The following B4GALNT2 variants were observed in gnomAD, a reference collection of about 807,000 sequenced individuals.
B4GALNT2 encodes N-acetylneuraminylgalactosylglucosyl-glucoside beta-1,4-N- acetylgalactosaminyltransferase 2.
A neutral mutation model predicts 51.1 loss-of-function variants in B4GALNT2; 42 were observed. That is an observed-to-expected ratio of 0.82 (90% confidence interval 0.64 to 1.06). The LOEUF (loss-of-function observed/expected upper bound fraction) is 1.06. Ranked by LOEUF, B4GALNT2 falls within the 50% of genes least tolerant of loss-of-function variation. B4GALNT2 has a pLI of 0.00. For missense variants in B4GALNT2, 602 were observed against 633.6 expected (o/e 0.95, Z 0.54); for synonymous variants, 253 against 251.7 (o/e 1.01, Z -0.05).
At chr17:49,120,374 TGGC>T in the B4GALNT2 span, among the ~76,000 whole-genome samples, 1 of 152,062 alleles carries the variant, frequency 6.6e-6, no homozygotes, top group South Asian at 2.1e-4. Context: ...CCTAGTCTGG[TGGC>T]TAGGAAAGGT....
chr17:49,130,693 T>G (rs1304712932), upstream of B4GALNT2, among the ~76,000 whole-genome samples: 2 of 152,192 alleles, frequency 1.3e-5, no homozygotes, highest in East Asian at 3.8e-4. Flanking sequence ...ACTTATTCAT[T>G]GTAAGTTTTC....
intron 4 of B4GALNT2, among the ~76,000 whole-genome samples, chr17:49,153,507 A>ATTT (rs569207630): frequency 2.2e-3 from 328 of 146,004 alleles, no homozygotes; most frequent in African/African-American, 7.2e-3. Flanking sequence ...GCTTGATGTG[A>ATTT]TTTTTTTTTT....
At chr17:49,136,445 T>C (rs1263771359) in intron 1 of B4GALNT2, among the ~76,000 whole-genome samples, 2 of 151,936 alleles carry the variant, frequency 1.3e-5, no homozygotes, top group Non-Finnish European at 2.9e-5. Context: ...TTTTATATTT[T>C]ATGTATATTC....
upstream of B4GALNT2, among the ~76,000 whole-genome samples, chr17:49,128,020 G>A (rs1018727610): frequency 6.6e-6 from 1 of 152,188 alleles, no homozygotes; most frequent in Non-Finnish European, 1.5e-5. Flanking sequence ...CTCATAGCTT[G>A]GATATCCATT....
chr17:49,133,138 T>G, intron 1 of B4GALNT2: 1 of 1,527,662 alleles, frequency 6.5e-7, no homozygotes, highest in Admixed American at 2.5e-5. Flanking sequence ...AGTGCGGGCT[T>G]CGGGGCTCTC....
intron 8 of B4GALNT2, 59 bp from the exon 9 acceptor site, chr17:49,166,055 C>A: frequency 6.4e-7 from 1 of 1,558,898 alleles, no homozygotes; most frequent in South Asian, 1.2e-5. Context: ...AGAAAGCTCC[C>A]CAGGTGATTC....
chr17:49,121,908 A>C, the B4GALNT2 span, among the ~76,000 whole-genome samples: 1 of 152,232 alleles, frequency 6.6e-6, no homozygotes, highest in Admixed American at 6.5e-5. Flanking sequence ...AAATGGCTCA[A>C]CAGTTAAAGT....
At chr17:49,159,334 G>GTTTTGT (rs1555612146) in intron 6 of B4GALNT2, 117 bp downstream of exon 6, 3 of 979,242 alleles carry the variant, frequency 3.1e-6, no homozygotes, top group Non-Finnish European at 4.5e-6. Flanking sequence ...GTGTGTGTTT[G>GTTTTGT]TTTGTTTTGT....
Position 49,172,335 on chromosome 17 carries a change from G to T in B4GALNT2, c.*2607G>T, listed in dbSNP as rs1030598895. ...TGGCACCCAAATTGGCTATTGATTC[G>T]GTCCTGGAGAAACACAAGCATAACC... is the stretch of plus-strand genomic sequence containing the variant. On this transcript the variant is annotated 3_prime_UTR_variant, in exon 11 of 11. Coordinates refer to ENST00000393354, the MANE Select transcript of B4GALNT2 (RefSeq NM_001159387.2). 3 of 163,314 alleles carry T rather than the reference G, an allele frequency of 1.8e-5. No individual in the cohort carries two copies. Among genetic ancestry groups the T allele is most frequent in the South Asian group, 1.8e-4 (1 of 5,680 alleles). The allele number at this position is 163,314 out of a possible 1,614,324, so 10.1% of individuals were successfully genotyped here. A position where few individuals can be genotyped will look rare whatever the true frequency, so the allele number is the denominator to read the frequency against.
Position 49,150,905 on chromosome 17 carries a change from C to G in B4GALNT2, c.354-1895C>G, listed in dbSNP as rs548872208. Among the ~76,000 whole-genome samples the G allele has an allele frequency of 4.6e-5, 7 of 151,552 alleles. No homozygotes were observed. The South Asian group carries it at 1.5e-3, about 32-fold the overall frequency. The stretch of plus-strand genomic sequence containing the variant: ...CCAAATCCCCCTCTGCGAGAAACAC[C>G]CAAGAATGATCAATTAAAAAAATAA... On this transcript the variant is annotated intron_variant, in intron 3 of 10. Coordinates refer to ENST00000393354, the MANE Select transcript of B4GALNT2 (RefSeq NM_001159387.2).
At chr17:49,158,743 T>C (rs1218153139) in intron 5 of B4GALNT2, among the ~76,000 whole-genome samples, 5 of 150,768 alleles carry the variant, frequency 3.3e-5, no homozygotes, top group Non-Finnish European at 5.9e-5. Context: ...CAAAAAAGGC[T>C]GTGGGTGGAA....
the B4GALNT2 span, among the ~76,000 whole-genome samples, chr17:49,125,141 T>C: frequency 6.6e-6 from 1 of 152,018 alleles, no homozygotes. Flanking sequence ...TGTTGGTGAG[T>C]TTGGGATTTT....
chr17:49,155,556 T>A lies in B4GALNT2; in HGVS notation c.461-1010T>A, dbSNP rs566337735. On this transcript the variant is annotated intron_variant, in intron 4 of 10. Transcript: ENST00000393354. ...GGTAGAGGTTACAGAGAGTTGAGAT[T>A]GCGCCACTGCACTCCAGCCTGAGCG... Among the ~76,000 whole-genome samples, 7 of 145,356 alleles carry A rather than the reference T, an allele frequency of 4.8e-5. No individual in the cohort carries two copies. In the East Asian group the frequency reaches 1.4e-3, roughly 30 times the overall value.
At chr17:49,150,219 G>A (rs1170838211) in intron 3 of B4GALNT2, among the ~76,000 whole-genome samples, 5 of 141,258 alleles carry the variant, frequency 3.5e-5, no homozygotes, top group African/African-American at 1.1e-4. Context: ...CCCCCCGCCC[G>A]GCCAGCCGCC....
chr17:49,138,801 C>T (rs1363018429), intron 1 of B4GALNT2, among the ~76,000 whole-genome samples: 4 of 152,136 alleles, frequency 2.6e-5, no homozygotes, highest in Non-Finnish European at 5.9e-5. Flanking sequence ...CATTTGAACC[C>T]AGGAGGTGGA....
rs113884555 is a variant in B4GALNT2 at position 49,146,842 on chromosome 17, G to A, written c.353+4670G>A. ...CCTTAGACTGGTACTTCTAAGATTG[G>A]GCTCTCTCTCCTTCCTTAGATTAGG... is the stretch of plus-strand genomic sequence containing the variant. On this transcript the variant is annotated intron_variant, in intron 3 of 10. Coordinates refer to ENST00000393354, the MANE Select transcript of B4GALNT2 (RefSeq NM_001159387.2). Among the ~76,000 whole-genome samples the A allele has an allele frequency of 1.6e-4, 24 of 152,214 alleles. No homozygotes were observed. The South Asian group carries it at 4.8e-3, about 30-fold the overall frequency.
chr17:49,147,923 T>A (rs2042711797), intron 3 of B4GALNT2, among the ~76,000 whole-genome samples: 1 of 151,420 alleles, frequency 6.6e-6, no homozygotes, highest in South Asian at 2.1e-4. Flanking sequence ...GTGTACTTGG[T>A]ACCATAAAAA....
intron 7 of B4GALNT2, 72 bp downstream of exon 7, chr17:49,160,713 C>T (rs1453295066): frequency 2.9e-6 from 4 of 1,360,314 alleles, no homozygotes; most frequent in Non-Finnish European, 4.2e-6. Context: ...GAAGGGATCA[C>T]CTCTGAGACG....
upstream of B4GALNT2, among the ~76,000 whole-genome samples, chr17:49,128,208 A>G (rs1018593512): frequency 3.3e-5 from 5 of 152,160 alleles, no homozygotes; most frequent in African/African-American, 1.2e-4. Context: ...ACATGGAGAA[A>G]GGGCATAAAC....
Sources: gnomAD v4.1 joint callset for allele counts (sites outside exome capture counted in the v4.1 genomes callset) on GRCh38, gnomAD v4.1.1 for gene constraint, MANE v1.5 for transcripts, NCBI Gene and HGNC (gene_info 2026-07-23, HGNC 2026-07-21) for gene names.